The following SERPINH1 variants were observed in gnomAD, a reference collection of about 807,000 sequenced individuals.
The protein encoded by SERPINH1 is serpin H1.
A neutral mutation model predicts 32.3 loss-of-function variants in SERPINH1; 22 were observed. The ratio of observed to expected loss-of-function variants is 0.68; its 90% CI spans 0.49 to 0.97. The LOEUF (loss-of-function observed/expected upper bound fraction) is 0.97. SERPINH1 is among the 50% of genes least tolerant of loss of function. SERPINH1 has a pLI of 0.00. For missense variants in SERPINH1, 543 were observed against 576.4 expected (o/e 0.94, Z 0.59); for synonymous variants, 251 against 245.9 (o/e 1.02, Z -0.19).
chr11:75,569,570 G>A (rs1942161852), intron 4 of SERPINH1: 1 of 167,492 alleles, frequency 6.0e-6, no homozygotes, highest in African/African-American at 2.4e-5. Flanking sequence ...TTACAGGCAT[G>A]TGCCACCACC....
intron 3 of SERPINH1, 33 bp from the exon 4 acceptor site, chr11:75,568,904 CAG>C (rs2135554519): frequency 1.2e-6 from 2 of 1,608,528 alleles, no homozygotes. Flanking sequence ...CCCCTGCACA[CAG>C]GGTGCCCAGT....
chr11:75,568,710 T>G (rs1942137373), intron 2 of SERPINH1, 21 bp from the exon 3 acceptor site: 2 of 1,567,100 alleles, frequency 1.3e-6, no homozygotes, highest in African/African-American at 1.4e-5. Context: ...TCTCTGACCC[T>G]GTGTTTTGCC....
intron 1 of SERPINH1, among the ~76,000 whole-genome samples, chr11:75,565,228 G>A (rs1331928024): frequency 6.6e-6 from 1 of 152,358 alleles, no homozygotes. Context: ...CCCTGAAGCC[G>A]TGGAGCAGAT....
chr11:75,571,927 C>T lies in SERPINH1; in HGVS notation c.1101C>T (p.Asp367=), dbSNP rs1236254473. ...FELDTDGNPF[D]QDIYGREELR... ...TGGACACAGATGGCAACCCCTTTGA[C>T]CAGGACATCTACGGGCGCGAGGAGC... The change falls in exon 5 of 5, where the codon GAC becomes GAT. Residue 367 remains aspartate (D), a synonymous_variant. Transcript: ENST00000358171. 2.5e-6 allele frequency: 4 copies of T among 1,614,110 alleles called. No homozygotes were observed. Among genetic ancestry groups the T allele is most frequent in the Non-Finnish European group, 3.4e-6 (4 of 1,180,050 alleles).
Position 75,571,829 on chromosome 11 carries a change from G to A in SERPINH1, c.1003G>A (p.Ala335Thr). The A allele has an allele frequency of 1.9e-6, 3 of 1,614,140 alleles. No homozygotes were observed. Among genetic ancestry groups the A allele is most frequent in the Non-Finnish European group, 2.5e-6 (3 of 1,180,040 alleles). Residue 335 changes from alanine to threonine, a missense_variant, in exon 5 of 5, where the codon GCC (alanine) becomes ACC (threonine). Coordinates refer to ENST00000358171, the MANE Select transcript of SERPINH1 (RefSeq NM_001235.5). ...GACTGAGGCCATTGACAAGAACAAGGCCGACTTGTCACGCATGTCAGGCAA... is the reference window on the plus strand; with the variant it reads ...GACTGAGGCCATTGACAAGAACAAGACCGACTTGTCACGCATGTCAGGCAA... ...GLTEAIDKNK[A>T]DLSRMSGKKD...
chr11:75,570,289 G>A (rs935743151), intron 4 of SERPINH1, among the ~76,000 whole-genome samples: 6 of 152,172 alleles, frequency 3.9e-5, no homozygotes, highest in Non-Finnish European at 8.8e-5. Flanking sequence ...GATAAAGCTG[G>A]AGATGAAGTG....
Position 75,571,808 on chromosome 11 carries a change from G to A in SERPINH1, c.982G>A (p.Glu328Lys), listed in dbSNP as rs749048421. The A allele has an allele frequency of 1.2e-6, 2 of 1,614,018 alleles. No individual in the cohort carries two copies. The highest frequency in any genetic ancestry group is 1.1e-5 in the South Asian group (1 of 91,084). The part of the protein sequence containing the change: ...QKHLAGLGLT[E>K]AIDKNKADLS... ...ACACCTGGCTGGGCTGGGCCTGACT[G>A]AGGCCATTGACAAGAACAAGGCCGA... is the stretch of plus-strand genomic sequence containing the variant. Residue 328 changes from glutamate to lysine, a missense_variant, in exon 5 of 5, where the codon GAG becomes AAG. Around this residue, in one of 3 missense-constraint regions of SERPINH1, gnomAD observed 427 missense variants for 446.4 expected, o/e 0.96. Transcript: ENST00000358171.
intron 4 of SERPINH1, 71 bp from the exon 5 acceptor site, chr11:75,571,710 G>A: frequency 7.0e-7 from 1 of 1,431,062 alleles, no homozygotes. Context: ...GGGTAGTATG[G>A]GGTGGAGGGT....
chr11:75,567,014 G>C (rs761570131), intron 2 of SERPINH1, 43 bp downstream of exon 2: 5 of 1,235,032 alleles, frequency 4.0e-6, no homozygotes, highest in South Asian at 2.5e-5. Flanking sequence ...CTCCTCCCAG[G>C]ACCCCCTGCA....
At position 75,571,921 on chromosome 11, in the gene SERPINH1, C is replaced by T. The variant is rs1185250615; in HGVS notation, c.1095C>T (p.Pro365=). 1.2e-6 allele frequency: 2 copies of T among 1,614,256 alleles called. No homozygotes were observed. Among genetic ancestry groups the T allele is most frequent in the African/African-American group, 1.3e-5 (1 of 75,078 alleles). The stretch of plus-strand genomic sequence containing the variant: ...TTGAGTTGGACACAGATGGCAACCC[C>T]TTTGACCAGGACATCTACGGGCGCG... ...TAFELDTDGN[P]FDQDIYGREE... The change falls in exon 5 of 5, where the codon CCC becomes CCT. Residue 365 remains proline, a synonymous_variant. Coordinates refer to ENST00000358171, the MANE Select transcript of SERPINH1 (RefSeq NM_001235.5).
Position 75,566,338 on chromosome 11 carries a change from C to G in SERPINH1, c.-12C>G. The G allele has an allele frequency of 6.2e-7, 1 of 1,605,790 alleles. No individual in the cohort carries two copies. The highest frequency in any genetic ancestry group is 8.5e-7 in the Non-Finnish European group (1 of 1,177,006). On this transcript the variant is annotated 5_prime_UTR_variant, in exon 2 of 5. Transcript: ENST00000358171. ...CAGGCCCACCGTGGTGCACGCAAAC[C>G]ACTTCCTGGCCATGCGCTCCCTCCT...
intron 4 of SERPINH1, among the ~76,000 whole-genome samples, chr11:75,570,635 GT>G (rs1270452245): frequency 2.0e-5 from 3 of 152,370 alleles, no homozygotes; most frequent in African/African-American, 7.2e-5. Flanking sequence ...CTCAGGCCTA[GT>G]TCCTGTGTGG....
At chr11:75,570,164 A>G (rs614604) in intron 4 of SERPINH1, among the ~76,000 whole-genome samples, 59,033 of 151,968 alleles carry the variant, frequency 0.39, 13,910 homozygotes, top group Non-Finnish European at 0.55. Flanking sequence ...GTCAATCGAG[A>G]GATATTTTTG....
intron 4 of SERPINH1, 104 bp from the exon 5 acceptor site, chr11:75,571,677 C>A: frequency 9.5e-7 from 1 of 1,054,684 alleles, no homozygotes; most frequent in East Asian, 2.4e-5. Context: ...GGGGGTGGTT[C>A]TCTCCTCTCT....
intron 4 of SERPINH1, among the ~76,000 whole-genome samples, chr11:75,571,318 TG>T (rs1215856781): frequency 6.6e-6 from 1 of 152,204 alleles, no homozygotes; most frequent in Non-Finnish European, 1.5e-5. Flanking sequence ...CCCAGAGTGA[TG>T]TGGACATAGT....
intron 1 of SERPINH1, chr11:75,562,787 G>A (rs2135547821): frequency 6.6e-6 from 1 of 152,440 alleles, no homozygotes; most frequent in African/African-American, 2.4e-5. Flanking sequence ...GAGGCTCAGG[G>A]GCAGCGGTGA....
intron 4 of SERPINH1, among the ~76,000 whole-genome samples, chr11:75,570,482 AC>A (rs1346264689): frequency 1.3e-5 from 2 of 151,996 alleles, no homozygotes; most frequent in Non-Finnish European, 2.9e-5. Context: ...TCTTCCTGGA[AC>A]CCTCAGTGGA....
chr11:75,563,130 G>A (rs2135548126), intron 1 of SERPINH1: 1 of 152,372 alleles, frequency 6.6e-6, no homozygotes, highest in Middle Eastern at 3.4e-3. Context: ...TTAAACTGCA[G>A]GGTCTAACTT....
rs183069140 is a variant in SERPINH1, at chr11:75,563,982, C to T, written c.-35+1663C>T. On this transcript the variant is annotated intron_variant, in intron 1 of 4. Transcript: ENST00000358171. The stretch of plus-strand genomic sequence containing the variant: ...GATGGGCTGGGCTGTGGGAGGCTGG[C>T]CTGCTTGCAGTAACTTGCCTTCCCC... Among the ~76,000 whole-genome samples, 294 of 152,364 alleles carry T rather than the reference C, an allele frequency of 1.9e-3. 2 individuals carry two copies. The highest frequency in any genetic ancestry group is 6.8e-3 in the African/African-American group (282 of 41,584).
Sources: allele counts gnomAD v4.1 joint callset (sites outside exome capture counted in the v4.1 genomes callset), GRCh38; gene constraint gnomAD v4.1.1; regional missense constraint gnomAD v4.1.1; transcripts MANE v1.5; gene names NCBI Gene and HGNC (gene_info 2026-07-23, HGNC 2026-07-21).